The following UNC13C variants were observed in gnomAD, a reference collection of about 807,000 sequenced individuals.
UNC13C encodes protein unc-13 homolog C.
In UNC13C, 174 loss-of-function variants were observed where a neutral mutation model predicts 245.4. The ratio of observed to expected loss-of-function variants is 0.71; its 90% confidence interval spans 0.63 to 0.80. The LOEUF (loss-of-function observed/expected upper bound fraction) is 0.80. UNC13C is among the 30% of genes least tolerant of loss of function. UNC13C has a pLI of 0.00. For synonymous variants in UNC13C, 992 were observed against 895.1 expected, an observed-to-expected ratio of 1.11 and a Z score of -1.93; for missense variants, 2,829 against 2,602.9, an observed-to-expected ratio of 1.09 and a Z score of -1.89.
chr15:54,299,800 G>C (rs1445327451), intron 12 of UNC13C, among the ~76,000 whole-genome samples: 2 of 152,070 alleles, frequency 1.3e-5, no homozygotes, highest in African/African-American at 2.4e-5. Flanking sequence ...AATGGAACTT[G>C]GCGATGTATG....
chr15:54,202,350 C>T (rs2034550141), intron 4 of UNC13C, among the ~76,000 whole-genome samples: 1 of 151,910 alleles, frequency 6.6e-6, no homozygotes, highest in Non-Finnish European at 1.5e-5. Flanking sequence ...AAAAAAGAGA[C>T]CTCATAGCCA....
intron 24 of UNC13C, among the ~76,000 whole-genome samples, chr15:54,524,291 CT>C (rs1231538128): frequency 6.6e-6 from 1 of 152,046 alleles, no homozygotes; most frequent in Non-Finnish European, 1.5e-5. Flanking sequence ...GCCTGTGTGT[CT>C]GGACAAGAGC....
At chr15:54,086,293 T>G (rs562111164) in intron 2 of UNC13C, among the ~76,000 whole-genome samples, 1 of 152,290 alleles carries the variant, frequency 6.6e-6, no homozygotes, top group African/African-American at 2.4e-5. Context: ...TGCATTCCAG[T>G]TTTAAGAGAC....
the UNC13C span, among the ~76,000 whole-genome samples, chr15:53,936,841 ACAT>A: frequency 1.3e-5 from 2 of 152,162 alleles, no homozygotes; most frequent in Admixed American, 1.3e-4. Flanking sequence ...ATCAACAACA[ACAT>A]CAACAAAAAG....
chr15:54,208,951 G>A (rs183280532), intron 4 of UNC13C, among the ~76,000 whole-genome samples: 4 of 152,186 alleles, frequency 2.6e-5, no homozygotes, highest in Admixed American at 2.0e-4. Context: ...GTCTCCAAAA[G>A]AGAAACATTA....
intron 18 of UNC13C, among the ~76,000 whole-genome samples, chr15:54,403,715 C>CAAAAAAAAAAAAAAAAAA (rs771818988): frequency 1.8e-5 from 1 of 56,870 alleles, no homozygotes; most frequent in East Asian, 7.9e-4. Context: ...GAACCTGTCT[C>CAAAAAAAAAAAAAAAAAA]AAAAAAAAAA....
At chr15:54,628,716 G>A (rs1412197592), downstream of UNC13C, 3 of 151,946 alleles carry the variant, frequency 2.0e-5, no homozygotes, top group Non-Finnish European at 2.9e-5. Context: ...ATATTATTTG[G>A]TTCTAACATC....
intron 4 of UNC13C, among the ~76,000 whole-genome samples, chr15:54,189,562 C>T (rs533133916): frequency 1.3e-5 from 2 of 151,990 alleles, no homozygotes; most frequent in African/African-American, 2.4e-5. Flanking sequence ...ATGAAAGAGA[C>T]AGCTGAAGCA....
At chr15:54,624,850 G>C (rs74014272) in intron 32 of UNC13C, among the ~76,000 whole-genome samples, 6,574 of 152,016 alleles carry the variant, frequency 0.043, 497 homozygotes, top group African/African-American at 0.15. Context: ...ACTTACAAAG[G>C]AATTTACAAA....
At chr15:54,083,764 C>T (rs1899084416) in intron 2 of UNC13C, among the ~76,000 whole-genome samples, 1 of 152,176 alleles carries the variant, frequency 6.6e-6, no homozygotes, top group South Asian at 2.1e-4. Context: ...GACTTGATTG[C>T]TGTGCTTGTG....
intron 14 of UNC13C, among the ~76,000 whole-genome samples, chr15:54,326,960 CT>C (rs2038314046): frequency 1.3e-5 from 2 of 151,842 alleles, no homozygotes; most frequent in South Asian, 4.2e-4. Flanking sequence ...AAAATCAAGG[CT>C]TTTTGCTTTC....
At chr15:53,970,736 ATACT>A in the UNC13C span, among the ~76,000 whole-genome samples, 1 of 152,106 alleles carries the variant, frequency 6.6e-6, no homozygotes, top group East Asian at 1.9e-4. Context: ...ACTGGGCTTA[ATACT>A]TACGTGTTGC....
intron 7 of UNC13C, among the ~76,000 whole-genome samples, chr15:54,245,600 T>G (rs1455146796): frequency 6.6e-6 from 1 of 152,160 alleles, no homozygotes; most frequent in Non-Finnish European, 1.5e-5. Context: ...ATGTCTGTTT[T>G]TATAGTCAGG....
chr15:54,260,690 A>G (rs1450984901), intron 8 of UNC13C, among the ~76,000 whole-genome samples: 1 of 148,318 alleles, frequency 6.7e-6, no homozygotes, highest in East Asian at 1.9e-4. Flanking sequence ...ATATATAAAG[A>G]AGTTATATAT....
At chr15:54,473,757 ATGTT>A (rs1892582633) in intron 19 of UNC13C, among the ~76,000 whole-genome samples, 1 of 151,444 alleles carries the variant, frequency 6.6e-6, no homozygotes. Flanking sequence ...AAATTTATAT[ATGTT>A]TATGGGATAC....
At chr15:54,453,118 A>G (rs982200067) in intron 19 of UNC13C, among the ~76,000 whole-genome samples, 1 of 152,126 alleles carries the variant, frequency 6.6e-6, no homozygotes, top group Non-Finnish European at 1.5e-5. Context: ...CTCTAAAGCA[A>G]TGCCATTGCA....
chr15:54,010,392 A>T (rs1895329483), intron 1 of UNC13C, among the ~76,000 whole-genome samples: 1 of 152,148 alleles, frequency 6.6e-6, no homozygotes, highest in African/African-American at 2.4e-5. Flanking sequence ...CTGTATGCTG[A>T]GGAGGTAAAA....
At chr15:54,138,740 T>C (rs7182548) in intron 2 of UNC13C, among the ~76,000 whole-genome samples, 84,706 of 151,264 alleles carry the variant, frequency 0.56, 24,571 homozygotes, top group Non-Finnish European at 0.64. Flanking sequence ...ATATCGAAAA[T>C]TGAGTGACTT....
chr15:54,478,186 T>A (rs577448857), intron 19 of UNC13C, among the ~76,000 whole-genome samples: 3 of 151,102 alleles, frequency 2.0e-5, no homozygotes, highest in Non-Finnish European at 3.0e-5. Context: ...TGCATCTATT[T>A]GATTCTTCTC....
Sources: gnomAD v4.1 joint callset for allele counts (sites outside exome capture counted in the v4.1 genomes callset) on GRCh38, gnomAD v4.1.1 for gene constraint, MANE v1.5 for transcripts, NCBI Gene and HGNC (gene_info 2026-07-23, HGNC 2026-07-21) for gene names.